The following SYT14 variants were observed in gnomAD, a reference collection of about 807,000 sequenced individuals.
SYT14 encodes the protein synaptotagmin-14.
In SYT14, 32 loss-of-function variants were observed where a neutral mutation model predicts 74.2. The observed-to-expected ratio is 0.43, with a 90% confidence interval of 0.33 to 0.58. The LOEUF (loss-of-function observed/expected upper bound fraction) is 0.58. SYT14 is among the 20% of genes least tolerant of loss of function. The probability of loss-of-function intolerance (pLI) is 0.05; values close to 1 mark genes in which losing one functional copy is unlikely to be tolerated. For missense variants in SYT14, 791 were observed against 981.8 expected (o/e 0.81, Z 2.60); for synonymous variants, 298 against 337.7 (o/e 0.88, Z 1.29).
intron 5 of SYT14, among the ~76,000 whole-genome samples, chr1:210,076,291 C>A (rs945229648): frequency 1.3e-5 from 2 of 152,096 alleles, no homozygotes; most frequent in African/African-American, 4.8e-5. Context: ...GTGTATACTC[C>A]TGAATGACTT....
chr1:210,013,057 A>G (rs906643646), intron 2 of SYT14, among the ~76,000 whole-genome samples: 1 of 149,710 alleles, frequency 6.7e-6, no homozygotes, highest in South Asian at 2.1e-4. Context: ...GATTAAACAT[A>G]TGATGATTGC....
intron 2 of SYT14, among the ~76,000 whole-genome samples, chr1:210,010,452 TTC>T: frequency 6.6e-6 from 1 of 152,170 alleles, no homozygotes; most frequent in Middle Eastern, 3.2e-3. Flanking sequence ...TGTATATTAT[TTC>T]TGTCTTTAAC....
chr1:210,014,430 T>C (rs936932508), intron 3 of SYT14, among the ~76,000 whole-genome samples: 3 of 147,796 alleles, frequency 2.0e-5, no homozygotes, highest in African/African-American at 7.3e-5. Flanking sequence ...TTTTTTTTTT[T>C]AATTACTACA....
At chr1:210,090,369 GA>G (rs34812124) in intron 5 of SYT14, among the ~76,000 whole-genome samples, 63 of 147,542 alleles carry the variant, frequency 4.3e-4, no homozygotes, top group Non-Finnish European at 2.1e-4. Context: ...ACAGGCACTT[GA>G]AAAAAAAAAG....
intron 7 of SYT14, among the ~76,000 whole-genome samples, chr1:210,121,452 A>T (rs548669588): frequency 1.3e-5 from 2 of 152,322 alleles, no homozygotes; most frequent in Middle Eastern, 3.4e-3. Context: ...TCAGGAACTA[A>T]ATATAATTCA....
intron 2 of SYT14, among the ~76,000 whole-genome samples, chr1:210,008,260 G>A (rs2080023954): frequency 6.6e-6 from 1 of 152,122 alleles, no homozygotes; most frequent in African/African-American, 2.4e-5. Flanking sequence ...TTGGATCATG[G>A]GAAAACTTGC....
intron 3 of SYT14, among the ~76,000 whole-genome samples, chr1:210,014,416 G>GT (rs35527744): frequency 0.21 from 29,761 of 142,954 alleles, 4,139 homozygotes; most frequent in East Asian, 0.6. Flanking sequence ...TCCTTGGAGT[G>GT]TTTTTTTTTT....
At chr1:210,031,125 G>A (rs1282956322) in intron 5 of SYT14, among the ~76,000 whole-genome samples, 2 of 149,468 alleles carry the variant, frequency 1.3e-5, no homozygotes, top group African/African-American at 2.5e-5. Flanking sequence ...GAGATTGGGG[G>A]TTTCTCCACG....
At chr1:209,943,536 A>G (rs868094916) in intron 1 of SYT14, among the ~76,000 whole-genome samples, 269 of 142,496 alleles carry the variant, frequency 1.9e-3, no homozygotes, top group African/African-American at 6.6e-3. Flanking sequence ...AAAAAAAAAA[A>G]AGAGAATGCA....
chr1:210,163,791 C>G (rs192829170), exon 10 of SYT14: 1 of 453,786 alleles, frequency 2.2e-6, no homozygotes, highest in South Asian at 1.6e-5. Flanking sequence ...ATGTACGAGA[C>G]AGTACTACTG....
At chr1:210,170,831 AG>A (rs1157210553) in exon 10 of SYT14, 2 of 152,176 alleles carry the variant, frequency 1.3e-5, no homozygotes, top group Admixed American at 1.3e-4. Flanking sequence ...TACTCTCAAA[AG>A]GTTTGGGTCA....
At chr1:210,104,365 C>T (rs1263172918) in intron 7 of SYT14, among the ~76,000 whole-genome samples, 2 of 152,124 alleles carry the variant, frequency 1.3e-5, no homozygotes, top group Non-Finnish European at 2.9e-5. Context: ...ATTACTATTC[C>T]ACTTTATGAG....
intron 5 of SYT14, among the ~76,000 whole-genome samples, chr1:210,048,224 A>G (rs1443224676): frequency 6.6e-6 from 1 of 152,172 alleles, no homozygotes; most frequent in Non-Finnish European, 1.5e-5. Context: ...TTGGATCCCC[A>G]AATTGTCTCA....
chr1:209,982,802 G>C (rs988895108), intron 2 of SYT14, among the ~76,000 whole-genome samples: 1 of 152,168 alleles, frequency 6.6e-6, no homozygotes, highest in Admixed American at 6.5e-5. Flanking sequence ...GTGCCATGTT[G>C]CATTTACGGC....
intron 5 of SYT14, among the ~76,000 whole-genome samples, chr1:210,037,919 TG>T (rs1185157506): frequency 1.3e-5 from 2 of 152,088 alleles, no homozygotes; most frequent in African/African-American, 4.8e-5. Context: ...CTGTGGTTGT[TG>T]GGTAGAATAT....
chr1:209,970,357 G>A (rs2079229380), intron 2 of SYT14, among the ~76,000 whole-genome samples: 1 of 152,024 alleles, frequency 6.6e-6, no homozygotes, highest in Admixed American at 6.6e-5. Context: ...CTTTGTCAGA[G>A]ATCAGTTGGC....
At chr1:209,941,796 G>T (rs1232899878) in intron 1 of SYT14, among the ~76,000 whole-genome samples, 1 of 152,088 alleles carries the variant, frequency 6.6e-6, no homozygotes, top group African/African-American at 2.4e-5. Flanking sequence ...GTTGTCCCTT[G>T]GTAACCGTGG....
intron 5 of SYT14, among the ~76,000 whole-genome samples, chr1:210,047,142 G>A (rs142413654): frequency 4.0e-4 from 60 of 151,734 alleles, no homozygotes; most frequent in African/African-American, 1.3e-3. Context: ...CTTTTAAACC[G>A]GAATTTAAGT....
chr1:209,970,401 T>C (rs150710904), intron 2 of SYT14, among the ~76,000 whole-genome samples: 3 of 152,256 alleles, frequency 2.0e-5, no homozygotes, highest in Admixed American at 2.0e-4. Context: ...GGGTTGTCTG[T>C]TCTGTCCTCT....
Sources: allele counts gnomAD v4.1 joint callset (sites outside exome capture counted in the v4.1 genomes callset), GRCh38; gene constraint gnomAD v4.1.1; transcripts MANE v1.5; gene names NCBI Gene and HGNC (gene_info 2026-07-23, HGNC 2026-07-21).